The following NKAIN3 variants were observed in gnomAD, a reference collection of about 807,000 sequenced individuals.
The protein encoded by NKAIN3 is sodium/potassium transporting ATPase interacting 3, also known as sodium/potassium-transporting ATPase subunit beta-1-interacting protein 3.
Under a neutral mutation model 30.2 loss-of-function variants are expected in NKAIN3, and 25 were observed. That is an observed-to-expected ratio of 0.83 (90% CI 0.60 to 1.16). NKAIN3 has a LOEUF of 1.16. Ranked by LOEUF, NKAIN3 falls within the 50% of genes most tolerant of loss-of-function variation. The pLI is 0.00. For synonymous variants in NKAIN3, 91 were observed against 89.6 expected, an observed-to-expected ratio of 1.02 and a Z score of -0.09; for missense variants, 225 against 254.1, an observed-to-expected ratio of 0.89 and a Z score of 0.78.
chr8:62,413,964 T>C (rs1302357528), intron 1 of NKAIN3, among the ~76,000 whole-genome samples: 1 of 152,174 alleles, frequency 6.6e-6, no homozygotes, highest in Non-Finnish European at 1.5e-5. Flanking sequence ...TTATTTATAC[T>C]ATTAGACATA....
intron 1 of NKAIN3, among the ~76,000 whole-genome samples, chr8:62,295,350 C>A (rs4531048): frequency 0.062 from 9,467 of 152,154 alleles, 983 homozygotes; most frequent in African/African-American, 0.21. Context: ...GCAAAAATGC[C>A]TCAGTGAAGC....
At chr8:62,723,555 T>C (rs1815162510) in intron 3 of NKAIN3, among the ~76,000 whole-genome samples, 1 of 152,090 alleles carries the variant, frequency 6.6e-6, no homozygotes, top group Non-Finnish European at 1.5e-5. Flanking sequence ...CTAAGGAAAC[T>C]GCAGGTGTTT....
intron 5 of NKAIN3, among the ~76,000 whole-genome samples, chr8:62,936,854 C>T (rs57535784): frequency 0.036 from 5,546 of 152,116 alleles, 282 homozygotes; most frequent in East Asian, 0.12. Flanking sequence ...ATTCCATTCT[C>T]AATGTTATCT....
At chr8:62,498,965 T>A (rs1403213500) in intron 1 of NKAIN3, among the ~76,000 whole-genome samples, 1 of 152,188 alleles carries the variant, frequency 6.6e-6, no homozygotes, top group Non-Finnish European at 1.5e-5. Context: ...GTATCAAGAC[T>A]GACTCAAAGG....
At chr8:62,813,797 T>C (rs943685919) in intron 4 of NKAIN3, among the ~76,000 whole-genome samples, 1 of 152,056 alleles carries the variant, frequency 6.6e-6, no homozygotes, top group East Asian at 1.9e-4. Context: ...TATTTTTGCT[T>C]CCTGATGTAG....
chr8:62,569,530 C>T (rs1407523874), intron 1 of NKAIN3, among the ~76,000 whole-genome samples: 1 of 152,060 alleles, frequency 6.6e-6, no homozygotes, highest in Non-Finnish European at 1.5e-5. Context: ...AATCCCAGCA[C>T]TTTGGGAGGC....
At chr8:62,494,552 T>A (rs909786341) in intron 1 of NKAIN3, among the ~76,000 whole-genome samples, 5 of 151,954 alleles carry the variant, frequency 3.3e-5, no homozygotes, top group African/African-American at 1.2e-4. Context: ...TGAGGAGGAG[T>A]CACTCTCCTC....
At chr8:62,660,408 T>C (rs1184331193) in intron 3 of NKAIN3, among the ~76,000 whole-genome samples, 4 of 152,192 alleles carry the variant, frequency 2.6e-5, no homozygotes, top group African/African-American at 7.2e-5. Context: ...AGATGAGGTA[T>C]CCATGTGTGA....
chr8:62,436,252 G>A (rs189632443), intron 1 of NKAIN3, among the ~76,000 whole-genome samples: 9 of 152,238 alleles, frequency 5.9e-5, no homozygotes, highest in African/African-American at 2.2e-4. Flanking sequence ...CTTTAAATAA[G>A]TCTTCTTCCA....
chr8:62,464,947 T>C (rs949781374), intron 1 of NKAIN3, among the ~76,000 whole-genome samples: 11 of 152,168 alleles, frequency 7.2e-5, no homozygotes, highest in Non-Finnish European at 4.4e-5. Flanking sequence ...AATTGGCATT[T>C]CAATGTACTG....
At chr8:62,725,182 T>A (rs1307473361) in intron 3 of NKAIN3, among the ~76,000 whole-genome samples, 3 of 152,206 alleles carry the variant, frequency 2.0e-5, no homozygotes, top group Non-Finnish European at 4.4e-5. Context: ...TGTCTTCTTT[T>A]GAAAAAATAT....
rs186625348 is a variant in NKAIN3 at position 62,311,727 on chromosome 8, G to A, written c.54+62600G>A. Among the ~76,000 whole-genome samples the A allele has an allele frequency of 4.0e-4, 60 of 150,612 alleles. 7 individuals are homozygous for A. The highest frequency in any genetic ancestry group is 1.4e-3 in the African/African-American group (56 of 39,990). On this transcript the variant is annotated intron_variant, in intron 1 of 6. Transcript: ENST00000623646. ...GCCACCTGGGGCACACGAAGACTGCGTGGGGTGCTCCTGTGTGTGAAGACT... is the reference window on the plus strand; with the variant it reads ...GCCACCTGGGGCACACGAAGACTGCATGGGGTGCTCCTGTGTGTGAAGACT...
intron 1 of NKAIN3, among the ~76,000 whole-genome samples, chr8:62,265,674 A>G (rs1812579177): frequency 6.6e-6 from 1 of 152,174 alleles, no homozygotes; most frequent in South Asian, 2.1e-4. Context: ...TCTGAAGTAG[A>G]ATCGCTGGAA....
At chr8:62,471,410 C>T (rs999249508) in intron 1 of NKAIN3, among the ~76,000 whole-genome samples, 16 of 151,930 alleles carry the variant, frequency 1.1e-4, no homozygotes, top group Middle Eastern at 3.4e-3. Flanking sequence ...CTTAAATATG[C>T]TTGAAATGTT....
intron 3 of NKAIN3, among the ~76,000 whole-genome samples, chr8:62,620,720 C>T (rs949051754): frequency 6.6e-6 from 1 of 152,134 alleles, no homozygotes; most frequent in Non-Finnish European, 1.5e-5. Context: ...TCTCCAGCCT[C>T]CTACAACTTT....
At chr8:62,378,452 G>T (rs1422030369) in intron 1 of NKAIN3, among the ~76,000 whole-genome samples, 1 of 152,214 alleles carries the variant, frequency 6.6e-6, no homozygotes, top group Non-Finnish European at 1.5e-5. Context: ...TGTCTCCAGA[G>T]CATGTCAGAG....
chr8:62,400,750 G>A (rs1478906788), intron 1 of NKAIN3, among the ~76,000 whole-genome samples: 3 of 148,322 alleles, frequency 2.0e-5, no homozygotes, highest in Non-Finnish European at 4.5e-5. Context: ...ACTGTCTCCT[G>A]TCCTGTAAGG....
intron 1 of NKAIN3, among the ~76,000 whole-genome samples, chr8:62,362,637 G>A (rs1816602254): frequency 6.6e-6 from 1 of 152,172 alleles, no homozygotes. Flanking sequence ...CAAGGATAAA[G>A]GAATAGTGGA....
intron 3 of NKAIN3, among the ~76,000 whole-genome samples, chr8:62,714,659 A>G (rs1563528479): frequency 6.6e-6 from 1 of 152,222 alleles, no homozygotes; most frequent in South Asian, 2.1e-4. Context: ...AGCTATGTTT[A>G]GGGCACTGTT....
Sources: allele counts gnomAD v4.1 joint callset (sites outside exome capture counted in the v4.1 genomes callset), GRCh38; gene constraint gnomAD v4.1.1; transcripts MANE v1.5; gene names NCBI Gene and HGNC (gene_info 2026-07-23, HGNC 2026-07-21).